OOSP4B: variants seen among roughly 807,000 people sequenced by gnomAD.
OOSP4B encodes the protein oocyte-secreted protein 4B.
chr11:60,027,655 T>TAAAAAAAAAAAAAAAAAAAA lies in OOSP4B; in HGVS notation c.303-2121_303-2102dup, dbSNP rs61649958. Among the ~76,000 whole-genome samples the TAAAAAAAAAAAAAAAAAAAA allele has an allele frequency of 1.5e-3, 92 of 62,214 alleles. 12 individuals carry two copies. The highest frequency in any genetic ancestry group is 2.7e-3 in the South Asian group (3 of 1,104). 40.8% of individuals were successfully genotyped at this position (62,214 alleles called of 152,430 possible). Reference sequence around the variant, plus strand: ...TCTAAGCAGGTAAAGGCTATGATATTAAAAAAAAAAAAAAAAAAAAAAAAA... The same window carrying TAAAAAAAAAAAAAAAAAAAA: ...TCTAAGCAGGTAAAGGCTATGATATTAAAAAAAAAAAAAAAAAAAAAAAAAAAAAAAAAAAAAAAAAAAAA... On this transcript the variant is annotated intron_variant, in intron 3 of 4. Transcript: ENST00000642343.
At chr11:60,022,733 TGAA>T (rs1157526435) in intron 1 of OOSP4B, among the ~76,000 whole-genome samples, 3 of 152,050 alleles carry the variant, frequency 2.0e-5, no homozygotes, top group Admixed American at 2.0e-4. Context: ...GATAAAGAGA[TGAA>T]GATGTGGTTT....
At chr11:60,024,020 G>A (rs956646537) in exon 2 of OOSP4B, 14 of 398,364 alleles carry the variant, frequency 3.5e-5, no homozygotes, top group South Asian at 1.3e-4. Context: ...ATTTAACTAC[G>A]CGTTTTCTTA....
intron 4 of OOSP4B, 111 bp from the exon 5 acceptor site, chr11:60,030,691 T>G (rs1266909731): frequency 2.5e-6 from 1 of 396,670 alleles, no homozygotes; most frequent in Non-Finnish European, 4.4e-6. Context: ...ATGTGATTTT[T>G]TTTTCCACAT....
At chr11:60,029,313 G>A (rs1021574837) in intron 3 of OOSP4B, among the ~76,000 whole-genome samples, 2 of 152,092 alleles carry the variant, frequency 1.3e-5, no homozygotes, top group African/African-American at 2.4e-5. Context: ...GGGTTGAGAT[G>A]GTAGTTAAAG....
chr11:60,018,351 A>T (rs1191695364), intron 1 of OOSP4B, among the ~76,000 whole-genome samples: 1 of 152,108 alleles, frequency 6.6e-6, no homozygotes, highest in African/African-American at 2.4e-5. Context: ...CTGTCACAAC[A>T]GCGTTTGTCA....
intron 1 of OOSP4B, among the ~76,000 whole-genome samples, chr11:60,022,894 A>G (rs1160038150): frequency 1.3e-5 from 2 of 152,184 alleles, no homozygotes; most frequent in African/African-American, 2.4e-5. Context: ...AATCTTTTAT[A>G]TAGTATTAAA....
intron 1 of OOSP4B, chr11:60,019,594 C>T (rs1274545223): frequency 6.5e-6 from 1 of 152,698 alleles, no homozygotes; most frequent in Non-Finnish European, 1.5e-5. Flanking sequence ...AGTATTAGAG[C>T]TCTTAAGGCA....
At chr11:60,020,579 G>A (rs1028733693) in intron 1 of OOSP4B, among the ~76,000 whole-genome samples, 13 of 152,216 alleles carry the variant, frequency 8.5e-5, no homozygotes, top group African/African-American at 2.6e-4. Flanking sequence ...GAGCAGCCCC[G>A]GTTCCCGCCG....
At chr11:60,027,655 TAAAAAAAAAAAA>T (rs61649958) in intron 3 of OOSP4B, among the ~76,000 whole-genome samples, 1 of 62,236 alleles carries the variant, frequency 1.6e-5, no homozygotes, top group Non-Finnish European at 3.3e-5. Context: ...GCTATGATAT[TAAAAAAAAAAAA>T]AAAAAAAAAA....
At chr11:60,023,130 G>A (rs187431405) in intron 1 of OOSP4B, among the ~76,000 whole-genome samples, 16 of 152,164 alleles carry the variant, frequency 1.1e-4, no homozygotes, top group Non-Finnish European at 1.6e-4. Flanking sequence ...TAATGACTAC[G>A]TTCACTCTAA....
In OOSP4B at chr11:60,022,850, C is replaced by T. The variant is rs757854453; in HGVS notation, c.23-1030C>T. 2.6e-5 allele frequency among the ~76,000 whole-genome samples: 4 copies of T among 151,788 alleles called. No individual in the cohort carries two copies. The South Asian group carries it at 6.2e-4, about 24-fold the overall frequency. ...TCCTAGGATATAGCCACAGCTTCTTCAGGTTAATATGAGAAGATTGGACTC... is the reference window on the plus strand; with the variant it reads ...TCCTAGGATATAGCCACAGCTTCTTTAGGTTAATATGAGAAGATTGGACTC... On this transcript the variant is annotated intron_variant, in intron 1 of 4. Coordinates refer to ENST00000642343, the Ensembl canonical transcript of OOSP4B.
At chr11:60,025,102 T>A in intron 3 of OOSP4B, 97 bp downstream of exon 3, 1 of 395,252 alleles carries the variant, frequency 2.5e-6, no homozygotes, top group African/African-American at 2.1e-5. Flanking sequence ...CCTGGAGGGA[T>A]GTGTATGGCA....
intron 3 of OOSP4B, among the ~76,000 whole-genome samples, chr11:60,029,134 A>G (rs756436691): frequency 3.9e-5 from 6 of 152,198 alleles, no homozygotes; most frequent in Non-Finnish European, 8.8e-5. Context: ...AATTTGAATG[A>G]GATTTTAGCC....
At chr11:60,019,889 G>A (rs866671649) in intron 1 of OOSP4B, among the ~76,000 whole-genome samples, 19 of 152,138 alleles carry the variant, frequency 1.2e-4, no homozygotes, top group South Asian at 4.1e-4. Context: ...TGACTGGTCC[G>A]TTTTGACAGG....
intron 3 of OOSP4B, 135 bp from the exon 4 acceptor site, chr11:60,029,647 C>G: frequency 5.1e-6 from 2 of 394,712 alleles, no homozygotes; most frequent in Non-Finnish European, 8.9e-6. Context: ...ATTTACTGAG[C>G]TACTTTGCCT....
chr11:60,030,186 C>T (rs1854792758), intron 4 of OOSP4B, among the ~76,000 whole-genome samples: 1 of 152,188 alleles, frequency 6.6e-6, no homozygotes, highest in Non-Finnish European at 1.5e-5. Flanking sequence ...TGTTCATTTT[C>T]AATATAGCCT....
intron 3 of OOSP4B, among the ~76,000 whole-genome samples, chr11:60,028,042 A>C (rs572200441): frequency 1.1e-4 from 17 of 151,520 alleles, no homozygotes; most frequent in African/African-American, 3.9e-4. Flanking sequence ...GATAAGTTAC[A>C]TGTCATTTAA....
chr11:60,020,688 GCTC>G lies in OOSP4B; in HGVS notation c.23-3188_23-3186del, dbSNP rs1854682407. Reference sequence around the variant, plus strand: ...CCACAGTGCAGCGGCGGGCTAAAGGGCTCCTCAAGCGGCCAGAGTGGGCGCCAA... The same window carrying G: ...CCACAGTGCAGCGGCGGGCTAAAGGGCTCAAGCGGCCAGAGTGGGCGCCAA... On this transcript the variant is annotated intron_variant, in intron 1 of 4. Transcript: ENST00000642343. Among the ~76,000 whole-genome samples, 4 of 152,268 alleles carry G rather than the reference GCTC, an allele frequency of 2.6e-5. No homozygotes were observed. The South Asian group carries it at 8.3e-4, about 31-fold the overall frequency.
intron 1 of OOSP4B, among the ~76,000 whole-genome samples, chr11:60,018,632 T>C (rs1854650519): frequency 6.6e-6 from 1 of 152,226 alleles, no homozygotes; most frequent in Non-Finnish European, 1.5e-5. Context: ...ACCGCCTCTT[T>C]GTACTTCTCA....
Sources: allele counts gnomAD v4.1 joint callset (sites outside exome capture counted in the v4.1 genomes callset), GRCh38; gene constraint gnomAD v4.1.1; transcripts MANE v1.5; gene names NCBI Gene and HGNC (gene_info 2026-07-23, HGNC 2026-07-21).